The following KLHL25 variants were observed in gnomAD, a reference collection of about 807,000 sequenced individuals.
KLHL25 encodes kelch-like protein 25.
In KLHL25, 41 loss-of-function variants were observed where a neutral mutation model predicts 30.0. The observed-to-expected ratio is 1.37, with a 90% confidence interval of 1.07 to 1.78. The LOEUF (loss-of-function observed/expected upper bound fraction) is 1.78. Among genes scored for constraint, KLHL25 ranks in the 40% most tolerant of loss-of-function variants. KLHL25 has a pLI of 0.00. For missense variants in KLHL25, 971 were observed against 824.5 expected (o/e 1.18, Z -2.18); for synonymous variants, 399 against 355.3 (o/e 1.12, Z -1.38).
At chr15:85,765,287 T>A (rs923920362) in intron 2 of KLHL25, among the ~76,000 whole-genome samples, 2 of 151,642 alleles carry the variant, frequency 1.3e-5, no homozygotes, top group African/African-American at 4.9e-5. Context: ...CCTCAGGGAA[T>A]CAAGAAATTT....
intron 1 of KLHL25, among the ~76,000 whole-genome samples, chr15:85,790,122 T>C (rs753480868): frequency 6.6e-6 from 1 of 152,172 alleles, no homozygotes; most frequent in Non-Finnish European, 1.5e-5. Context: ...GGAGTTTCGC[T>C]CTTGTCACCC....
intron 1 of KLHL25, among the ~76,000 whole-genome samples, chr15:85,792,407 G>C (rs779971851): frequency 6.6e-6 from 1 of 152,204 alleles, no homozygotes; most frequent in East Asian, 1.9e-4. Context: ...ATTTGTGTCT[G>C]GCCACTCTGT....
At chr15:85,766,611 C>T (rs1364012182) in intron 2 of KLHL25, among the ~76,000 whole-genome samples, 2 of 152,228 alleles carry the variant, frequency 1.3e-5, no homozygotes, top group Non-Finnish European at 2.9e-5. Context: ...CTTCCCTTCA[C>T]TGCAGGGTCT....
At chr15:85,793,093 G>A (rs2089828279) in intron 1 of KLHL25, among the ~76,000 whole-genome samples, 2 of 144,526 alleles carry the variant, frequency 1.4e-5, no homozygotes, top group Non-Finnish European at 3.0e-5. Flanking sequence ...TAGACGGGAC[G>A]AACCAAGCTT....
chr15:85,774,243 C>A (rs992149902), intron 1 of KLHL25, among the ~76,000 whole-genome samples: 1 of 152,142 alleles, frequency 6.6e-6, no homozygotes, highest in African/African-American at 2.4e-5. Flanking sequence ...ATGACCTAAG[C>A]GTCGTCCTGA....
chr15:85,780,481 C>T (rs2089736227), intron 1 of KLHL25, among the ~76,000 whole-genome samples: 1 of 152,234 alleles, frequency 6.6e-6, no homozygotes. Context: ...GTCTCTCTTC[C>T]TGTCTGGTCC....
chr15:85,761,126 C>T (rs369566655), intron 2 of KLHL25, 115 bp from the exon 3 acceptor site: 3 of 152,434 alleles, frequency 2.0e-5, no homozygotes, highest in East Asian at 1.9e-4. Flanking sequence ...GGCGTGAGAA[C>T]GCCAGATCCA....
chr15:85,769,827 G>C lies in KLHL25; in HGVS notation c.-10-7C>G. On this transcript the variant is annotated splice_region_variant and splice_polypyrimidine_tract_variant and intron_variant, in intron 1 of 2. Coordinates refer to ENST00000337975, the MANE Select transcript of KLHL25 (RefSeq NM_022480.4). Reference sequence around the variant, plus strand: ...GACCGACATGGTGCGTCAGCTTGTGGGGGAACAAGCCCACAGGTTAGAGGA... The same window carrying C: ...GACCGACATGGTGCGTCAGCTTGTGCGGGAACAAGCCCACAGGTTAGAGGA... 1 of 1,594,576 alleles carries C rather than the reference G, an allele frequency of 6.3e-7. No individual in the cohort carries two copies. The highest frequency in any genetic ancestry group is 8.5e-7 in the Non-Finnish European group (1 of 1,172,238).
At chr15:85,761,247 C>T (rs1462956152) in intron 2 of KLHL25, 1 of 152,222 alleles carries the variant, frequency 6.6e-6, no homozygotes, top group African/African-American at 2.4e-5. Context: ...TACCCAGACG[C>T]CCGGGGACAC....
intron 1 of KLHL25, among the ~76,000 whole-genome samples, chr15:85,794,152 G>A (rs912393581): frequency 1.8e-4 from 28 of 152,236 alleles, no homozygotes; most frequent in Admixed American, 1.7e-3. Flanking sequence ...CAGTCTGGCC[G>A]CCACCCAGGT....
At chr15:85,778,051 G>C (rs1340649025) in intron 1 of KLHL25, among the ~76,000 whole-genome samples, 1 of 152,220 alleles carries the variant, frequency 6.6e-6, no homozygotes, top group African/African-American at 2.4e-5. Context: ...CGCAGCAGCT[G>C]TACAGGAGAA....
intron 1 of KLHL25, among the ~76,000 whole-genome samples, chr15:85,773,571 G>A (rs778106695): frequency 1.3e-5 from 2 of 152,204 alleles, no homozygotes; most frequent in African/African-American, 4.8e-5. Flanking sequence ...TGGGCCCTGG[G>A]GATCAGGTGG....
At chr15:85,772,560 A>T (rs1026951214) in intron 1 of KLHL25, among the ~76,000 whole-genome samples, 3 of 152,234 alleles carry the variant, frequency 2.0e-5, no homozygotes, top group Non-Finnish European at 2.9e-5. Context: ...CCCTGGAACC[A>T]ACACACCTAG....
At chr15:85,787,758 T>C (rs755134520) in intron 1 of KLHL25, among the ~76,000 whole-genome samples, 2 of 152,026 alleles carry the variant, frequency 1.3e-5, no homozygotes, top group African/African-American at 2.4e-5. Flanking sequence ...AGTTGTAGAG[T>C]ATTGAGTATG....
chr15:85,781,091 T>A (rs557544730), intron 1 of KLHL25, among the ~76,000 whole-genome samples: 5 of 152,202 alleles, frequency 3.3e-5, no homozygotes, highest in Non-Finnish European at 5.9e-5. Flanking sequence ...TAGTACTACT[T>A]TGGGAGGCCA....
rs1392445501 is a variant in KLHL25 at position 85,768,272 on chromosome 15, A to T, written c.1539T>A (p.Cys513Ter). 6.2e-7 allele frequency: 1 copy of T among 1,614,110 alleles called. No individual in the cohort carries two copies. Among genetic ancestry groups the T allele is most frequent in the Non-Finnish European group, 8.5e-7 (1 of 1,180,026 alleles). Residue 513 changes from cysteine (C) to a stop codon, truncating the protein, a stop_gained, in exon 2 of 3, where the codon TGT (cysteine) becomes TGA (stop). Transcript: ENST00000337975. LOFTEE classifies it high-confidence loss of function. ...CAATCCGCGTCCACTGGTTGGTCTC[A>T]CAGTCAAAGCGGTAGGCCGAGGCGG... ...FTAASAYRFD[C>*]ETNQWTRIGD...
intron 1 of KLHL25, among the ~76,000 whole-genome samples, chr15:85,784,780 G>A (rs1039488772): frequency 1.3e-5 from 2 of 152,166 alleles, no homozygotes; most frequent in African/African-American, 4.8e-5. Flanking sequence ...AGCCTCAAGA[G>A]CCCAGTACAG....
intron 1 of KLHL25, among the ~76,000 whole-genome samples, chr15:85,792,455 GCCTACA>G (rs2089823870): frequency 6.6e-6 from 1 of 152,170 alleles, no homozygotes; most frequent in South Asian, 2.1e-4. Context: ...GCCAGGCTAT[GCCTACA>G]CTGCCTGGTG....
intron 2 of KLHL25, among the ~76,000 whole-genome samples, chr15:85,764,964 C>T (rs184974131): frequency 1.3e-5 from 2 of 152,360 alleles, no homozygotes; most frequent in East Asian, 3.9e-4. Flanking sequence ...TTCCAGGGTC[C>T]CTGGGATCAG....
Sources: gnomAD v4.1 joint callset for allele counts (sites outside exome capture counted in the v4.1 genomes callset) on GRCh38, gnomAD v4.1.1 for gene constraint, MANE v1.5 for transcripts, NCBI Gene and HGNC (gene_info 2026-07-23, HGNC 2026-07-21) for gene names.